Variants in SV2B observed in about 807,000 individuals in gnomAD.
SV2B encodes the protein solute carrier family 22 member B2.
A neutral mutation model predicts 73.9 loss-of-function variants in SV2B; 41 were observed. The observed-to-expected ratio is 0.56, with a 90% confidence interval of 0.43 to 0.72. The LOEUF is 0.72. SV2B is among the 30% of genes least tolerant of loss of function. The pLI is 0.00. For missense variants in SV2B, 764 were observed against 857.8 expected, an observed-to-expected ratio of 0.89 and a Z score of 1.37; for synonymous variants, 314 against 314.2, an observed-to-expected ratio of 1.00 and a Z score of 0.01.
intron 1 of SV2B, among the ~76,000 whole-genome samples, chr15:91,112,266 C>A (rs974257094): frequency 1.3e-5 from 2 of 152,108 alleles, no homozygotes; most frequent in Middle Eastern, 3.2e-3. Flanking sequence ...AGCTCGAGAA[C>A]CATGGTGATA....
chr15:91,168,951 T>C (rs141835481), intron 1 of SV2B, among the ~76,000 whole-genome samples: 1 of 152,352 alleles, frequency 6.6e-6, no homozygotes, highest in African/African-American at 2.4e-5. Flanking sequence ...TTGTCCATGG[T>C]GATTCTTCTT....
rs553693506 is a variant in SV2B, at chr15:91,268,675, C to G, written c.1373+70C>G. ...GTGGGGACTGTTATTGGGAGGGAGC[C>G]GGAGGGAAGATAAGAATCAAATATG... On this transcript the variant is annotated intron_variant, in intron 9 of 12. Transcript: ENST00000394232. This position sits in a 1 kb window ranked among gnomAD's most constrained non-coding sequence, Gnocchi z 4.4. The G allele has an allele frequency of 3.2e-6, 5 of 1,539,078 alleles. No homozygotes were observed. The highest frequency in any genetic ancestry group is 4.4e-6 in the Non-Finnish European group (5 of 1,134,692).
At chr15:91,162,233 CTCT>C (rs1440548060) in intron 1 of SV2B, among the ~76,000 whole-genome samples, 1 of 152,058 alleles carries the variant, frequency 6.6e-6, no homozygotes, top group Non-Finnish European at 1.5e-5. Context: ...AAAATAATCC[CTCT>C]TCTAGTAATC....
At chr15:91,208,947 A>G (rs1228277463) in intron 1 of SV2B, among the ~76,000 whole-genome samples, 4 of 151,960 alleles carry the variant, frequency 2.6e-5, no homozygotes, top group African/African-American at 9.7e-5. Context: ...CAGGAATGCA[A>G]TCTTCTTCTT....
chr15:91,199,026 T>C (rs2045363454), intron 1 of SV2B, among the ~76,000 whole-genome samples: 1 of 152,234 alleles, frequency 6.6e-6, no homozygotes, highest in Non-Finnish European at 1.5e-5. Flanking sequence ...TCTACTCATT[T>C]ATTTTTTAGA....
intron 1 of SV2B, among the ~76,000 whole-genome samples, chr15:91,114,803 T>TG (rs1488729782): frequency 6.6e-6 from 1 of 152,156 alleles, no homozygotes; most frequent in Non-Finnish European, 1.5e-5. Context: ...GCTCGTGTAT[T>TG]GACAGAAATT....
intron 5 of SV2B, 58 bp from the exon 6 acceptor site, chr15:91,260,262 T>G (rs1022086753): frequency 6.7e-7 from 1 of 1,487,458 alleles, no homozygotes; most frequent in South Asian, 1.3e-5. Context: ...CCACCCCTAA[T>G]GAACAGAAGG....
intron 1 of SV2B, among the ~76,000 whole-genome samples, chr15:91,157,559 A>G (rs991739993): frequency 6.6e-6 from 1 of 152,212 alleles, no homozygotes; most frequent in Non-Finnish European, 1.5e-5. Flanking sequence ...ACAATATGTT[A>G]GGCACTGTTT....
chr15:91,189,919 C>T (rs771516673), intron 1 of SV2B, among the ~76,000 whole-genome samples: 15 of 151,976 alleles, frequency 9.9e-5, no homozygotes, highest in Non-Finnish European at 1.3e-4. Flanking sequence ...ACCCGGGAGG[C>T]GGAGCTGGCA....
In SV2B at chr15:91,253,612, C is replaced by A. The variant is rs376724357; in HGVS notation, c.784+1092C>A. On this transcript the variant is annotated intron_variant, in intron 4 of 12. Transcript: ENST00000394232. The surrounding 1 kb of genome is among the most constrained non-coding windows in gnomAD (Gnocchi z 5.0). ...GGCATTTCTAATCTGCAGGTGGCTC[C>A]GCTCCATCAGTAATTCTGGAGTTTA... Among the ~76,000 whole-genome samples the A allele has an allele frequency of 6.6e-6, 1 of 152,224 alleles. No individual in the cohort carries two copies. Among genetic ancestry groups the A allele is most frequent in the South Asian group, 2.1e-4 (1 of 4,828 alleles).
At chr15:91,249,348 T>A (rs2047389704) in intron 2 of SV2B, among the ~76,000 whole-genome samples, 3 of 152,250 alleles carry the variant, frequency 2.0e-5, no homozygotes, top group Admixed American at 2.0e-4. Flanking sequence ...CAAGGTTTGC[T>A]CTTCTTCTGG....
intron 1 of SV2B, among the ~76,000 whole-genome samples, chr15:91,172,582 C>T (rs1006870555): frequency 6.6e-6 from 1 of 152,202 alleles, no homozygotes; most frequent in Non-Finnish European, 1.5e-5. Context: ...GTGAGGCCCC[C>T]ACAGCCTCTC....
At chr15:91,184,401 AC>A (rs1362830070) in intron 1 of SV2B, among the ~76,000 whole-genome samples, 3 of 152,316 alleles carry the variant, frequency 2.0e-5, no homozygotes, top group Admixed American at 6.5e-5. Flanking sequence ...TCAATACCTT[AC>A]CTGGACATCA....
intron 6 of SV2B, among the ~76,000 whole-genome samples, chr15:91,263,682 A>G (rs2048005818): frequency 6.6e-6 from 1 of 151,968 alleles, no homozygotes; most frequent in African/African-American, 2.4e-5. Flanking sequence ...ACACACAGAG[A>G]CACACACACA....
rs1357054320 is a variant in SV2B, at chr15:91,268,044, C to T, written c.1209-397C>T. ...TCTTGAATTCCTGACCTCAAGTGATCTGCCTTCCTTGGCCTCCCAAAGTGC... is the reference window on the plus strand; with the variant it reads ...TCTTGAATTCCTGACCTCAAGTGATTTGCCTTCCTTGGCCTCCCAAAGTGC... On this transcript the variant is annotated intron_variant, in intron 8 of 12. Transcript: ENST00000394232. The surrounding 1 kb of genome is among the most constrained non-coding windows in gnomAD (Gnocchi z 4.4). 6.6e-6 allele frequency among the ~76,000 whole-genome samples: 1 copy of T among 152,176 alleles called. No homozygotes were observed. Among genetic ancestry groups the T allele is most frequent in the Non-Finnish European group, 1.5e-5 (1 of 68,026 alleles).
At chr15:91,287,801 C>T (rs1279937209) in intron 11 of SV2B, among the ~76,000 whole-genome samples, 2 of 152,150 alleles carry the variant, frequency 1.3e-5, no homozygotes, top group East Asian at 3.8e-4. Context: ...GTTATGGAAA[C>T]AAATAAGGCA....
intron 2 of SV2B, among the ~76,000 whole-genome samples, chr15:91,238,905 C>T (rs2046895910): frequency 6.6e-6 from 1 of 152,082 alleles, no homozygotes; most frequent in South Asian, 2.1e-4. Context: ...CACTCGGGTC[C>T]TCGGTGGAGC....
intron 1 of SV2B, among the ~76,000 whole-genome samples, chr15:91,142,789 A>G (rs1047735224): frequency 2.0e-5 from 3 of 152,376 alleles, no homozygotes; most frequent in Admixed American, 6.5e-5. Context: ...TGTATTCTTA[A>G]TCACTTATAC....
rs1469396650 is a variant in SV2B, at chr15:91,245,500, C to CT, written c.452-6316dup. 3.3e-5 allele frequency among the ~76,000 whole-genome samples: 5 copies of CT among 152,174 alleles called. No individual in the cohort carries two copies. The highest frequency in any genetic ancestry group is 7.3e-5 in the Non-Finnish European group (5 of 68,038). ...TGGTGGTATGATGAATAGATTATTGCTTTACCTTTTATACATTTTGGGGGG... is the reference window on the plus strand; with the variant it reads ...TGGTGGTATGATGAATAGATTATTGCTTTTACCTTTTATACATTTTGGGGGG... On this transcript the variant is annotated intron_variant, in intron 2 of 12. Transcript: ENST00000394232. This position sits in a 1 kb window ranked among gnomAD's most constrained non-coding sequence, Gnocchi z 4.2.
Sources: allele counts gnomAD v4.1 joint callset (sites outside exome capture counted in the v4.1 genomes callset), GRCh38; gene constraint gnomAD v4.1.1; non-coding constraint Gnocchi (gnomAD v3.1); transcripts MANE v1.5; gene names NCBI Gene and HGNC (gene_info 2026-07-23, HGNC 2026-07-21).